TENM2: variants seen among roughly 807,000 people sequenced by gnomAD.
The protein encoded by TENM2 is teneurin transmembrane protein 2.
A neutral mutation model predicts 245.2 loss-of-function variants in TENM2; 52 were observed. The ratio of observed to expected loss-of-function variants is 0.21; its 90% CI spans 0.17 to 0.27. TENM2 has a LOEUF of 0.27. Among genes scored for constraint, TENM2 ranks in the 10% least tolerant of loss-of-function variants. The pLI, the probability that TENM2 is intolerant of heterozygous loss-of-function variation, is 1.00. For missense variants in TENM2, 3,046 were observed against 3,666.8 expected, an observed-to-expected ratio of 0.83 and a Z score of 4.37; for synonymous variants, 1,363 against 1,438.9, an observed-to-expected ratio of 0.95 and a Z score of 1.19.
intron 2 of TENM2, among the ~76,000 whole-genome samples, chr5:167,649,970 T>C (rs1459571199): frequency 6.6e-6 from 1 of 152,172 alleles, no homozygotes; most frequent in Non-Finnish European, 1.5e-5. Context: ...GAATTACTTA[T>C]TGAAAAGAAT....
At chr5:167,796,050 G>A (rs1211609338) in intron 2 of TENM2, among the ~76,000 whole-genome samples, 4 of 152,138 alleles carry the variant, frequency 2.6e-5, no homozygotes, top group Non-Finnish European at 5.9e-5. Context: ...GCTAGAGAAA[G>A]TAATGGAAAG....
At chr5:168,163,922 T>A (rs1341290025) in intron 13 of TENM2, among the ~76,000 whole-genome samples, 2 of 152,178 alleles carry the variant, frequency 1.3e-5, no homozygotes, top group Non-Finnish European at 2.9e-5. Flanking sequence ...GTGATTACCC[T>A]TATCTTTTCT....
At chr5:168,221,201 A>AG (rs1193084879) in intron 23 of TENM2, among the ~76,000 whole-genome samples, 1 of 152,108 alleles carries the variant, frequency 6.6e-6, no homozygotes, top group Non-Finnish European at 1.5e-5. Context: ...ACTCTGTTAC[A>AG]GGGGGCAGAG....
chr5:167,222,255 A>G, the TENM2 span, among the ~76,000 whole-genome samples: 4 of 152,322 alleles, frequency 2.6e-5, no homozygotes, highest in South Asian at 4.1e-4. Context: ...CACATATGCA[A>G]TGGAGGATGT....
chr5:168,052,231 CA>C (rs959262781), intron 6 of TENM2, among the ~76,000 whole-genome samples: 2 of 150,740 alleles, frequency 1.3e-5, no homozygotes, highest in Non-Finnish European at 3.0e-5. Flanking sequence ...ACTAAAAATA[CA>C]AAAAAAAAGT....
the TENM2 span, among the ~76,000 whole-genome samples, chr5:167,137,987 T>C: frequency 6.6e-6 from 1 of 152,226 alleles, no homozygotes; most frequent in Non-Finnish European, 1.5e-5. Flanking sequence ...AAAGTCTATC[T>C]ATATTAATGG....
intron 2 of TENM2, among the ~76,000 whole-genome samples, chr5:167,392,194 G>T (rs1761797053): frequency 6.6e-6 from 1 of 152,144 alleles, no homozygotes; most frequent in South Asian, 2.1e-4. Context: ...TTTAAAAAGG[G>T]ATAGGGTCAC....
chr5:168,210,603 T>C (rs1308828149), intron 19 of TENM2, among the ~76,000 whole-genome samples: 1 of 138,166 alleles, frequency 7.2e-6, no homozygotes, highest in African/African-American at 3.2e-5. Context: ...ATCAGCATCA[T>C]TTAATTAACT....
intron 7 of TENM2, among the ~76,000 whole-genome samples, chr5:168,085,129 T>C (rs1309882228): frequency 2.0e-5 from 3 of 152,238 alleles, no homozygotes; most frequent in African/African-American, 7.2e-5. Context: ...TCTTCTGAGA[T>C]GAGACTAGGG....
chr5:167,294,607 G>A (rs1008580238), intron 1 of TENM2, among the ~76,000 whole-genome samples: 4 of 152,074 alleles, frequency 2.6e-5, no homozygotes, highest in Admixed American at 6.5e-5. Context: ...ACCACTCAGA[G>A]TTGACCTCCT....
intron 2 of TENM2, chr5:167,653,808 T>C (rs1030477283): frequency 8.5e-5 from 13 of 152,380 alleles, no homozygotes; most frequent in African/African-American, 3.1e-4. Context: ...AAACAGCTAA[T>C]CTGAGGGCTT....
chr5:168,174,663 C>T (rs559713708), intron 13 of TENM2, among the ~76,000 whole-genome samples: 2 of 152,304 alleles, frequency 1.3e-5, no homozygotes, highest in East Asian at 3.9e-4. Context: ...AGCTCAAGTG[C>T]TGGCAGAGGG....
chr5:168,183,523 A>G (rs1459727838), intron 13 of TENM2, among the ~76,000 whole-genome samples: 3 of 152,086 alleles, frequency 2.0e-5, no homozygotes, highest in African/African-American at 7.2e-5. Context: ...TTCCATCTCT[A>G]TCTCAAATTC....
chr5:167,021,752 A>G, the TENM2 span, among the ~76,000 whole-genome samples: 1 of 152,186 alleles, frequency 6.6e-6, no homozygotes, highest in East Asian at 1.9e-4. Context: ...TTGTGAAAAT[A>G]TAATAGAGTA....
intron 2 of TENM2, among the ~76,000 whole-genome samples, chr5:167,387,782 A>T (rs1323427406): frequency 2.0e-5 from 3 of 151,744 alleles, no homozygotes; most frequent in Non-Finnish European, 4.4e-5. Context: ...TGATCATGTG[A>T]TTTTTGCTTA....
At chr5:167,344,731 A>G (rs1232116428) in intron 1 of TENM2, among the ~76,000 whole-genome samples, 1 of 152,146 alleles carries the variant, frequency 6.6e-6, no homozygotes, top group African/African-American at 2.4e-5. Flanking sequence ...GTGACAGGGA[A>G]AGACACCATG....
chr5:167,034,974 T>C, the TENM2 span, among the ~76,000 whole-genome samples: 2 of 152,188 alleles, frequency 1.3e-5, no homozygotes, highest in East Asian at 1.9e-4. Flanking sequence ...CCTACACACA[T>C]ATAACAATGT....
At chr5:167,924,562 G>T (rs533184085) in intron 3 of TENM2, among the ~76,000 whole-genome samples, 1 of 152,174 alleles carries the variant, frequency 6.6e-6, no homozygotes, top group Non-Finnish European at 1.5e-5. Context: ...CATGAAGAAC[G>T]CATTCATCAA....
At chr5:167,979,663 G>A (rs1782690211) in intron 4 of TENM2, among the ~76,000 whole-genome samples, 1 of 152,016 alleles carries the variant, frequency 6.6e-6, no homozygotes, top group South Asian at 2.1e-4. Context: ...TATCTACAGT[G>A]GAAATAATCA....
Sources: allele counts gnomAD v4.1 joint callset (sites outside exome capture counted in the v4.1 genomes callset), GRCh38; gene constraint gnomAD v4.1.1; transcripts MANE v1.5; gene names NCBI Gene and HGNC (gene_info 2026-07-23, HGNC 2026-07-21).